Variants in SEMA6B observed in about 807,000 individuals in gnomAD.
The protein encoded by SEMA6B is semaphorin 6B, also known as semaphorin-6B.
SEMA6B carries 47 observed loss-of-function variants against 78.6 expected under a neutral mutation model. The observed-to-expected ratio is 0.60, with a 90% CI of 0.47 to 0.76. The LOEUF is 0.76. Ranked by LOEUF, SEMA6B falls within the 30% of genes least tolerant of loss-of-function variation. The probability of loss-of-function intolerance (pLI) is 0.00; values close to 1 mark genes in which losing one functional copy is unlikely to be tolerated. For synonymous variants in SEMA6B, 632 were observed against 592.2 expected, an observed-to-expected ratio of 1.07 and a Z score of -0.98; for missense variants, 1,213 against 1,269.9, an observed-to-expected ratio of 0.96 and a Z score of 0.68.
chr19:4,557,100 C>G, intron 4 of SEMA6B, 63 bp downstream of exon 4: 1 of 1,591,680 alleles, frequency 6.3e-7, no homozygotes, highest in Non-Finnish European at 8.6e-7. Flanking sequence ...CACCCAGCTC[C>G]CCGGCGCAGT....
intron 3 of SEMA6B, 55 bp from the exon 4 acceptor site, chr19:4,557,278 C>G (rs1399219426): frequency 2.2e-6 from 3 of 1,344,246 alleles, no homozygotes; most frequent in Non-Finnish European, 3.1e-6. Context: ...CTCTCCCGTT[C>G]CATCCTTCCC....
At position 4,544,274 on chromosome 19, in the gene SEMA6B, C is replaced by G. The variant is rs779203344; in HGVS notation, c.1994G>C (p.Arg665Pro). Residue 665 changes from arginine (R) to proline (P), a missense_variant, in exon 17 of 17, where the codon CGG (arginine) becomes CCG (proline). Transcript: ENST00000586582. The surrounding 1 kb of genome is among the most constrained non-coding windows in gnomAD (Gnocchi z 5.1). ...GERRAQGPGG[R>P]GGGGGGGAGV... ...GGCGCCACCGCCACCGCCTCCGCCCCGGCCCCCGGGACCCTGCGCCCTGCG... is the reference window on the plus strand; with the variant it reads ...GGCGCCACCGCCACCGCCTCCGCCCGGGCCCCCGGGACCCTGCGCCCTGCG... 4.6e-6 allele frequency: 6 copies of G among 1,312,274 alleles called. No individual in the cohort carries two copies. In the African/African-American group the frequency reaches 7.8e-5, roughly 17 times the overall value. The allele number at this position is 1,312,274 out of a possible 1,614,324, so 81.3% of individuals were successfully genotyped here.
rs1977123713 is a variant in SEMA6B, at chr19:4,544,785, A to G, written c.1739-256T>C. On this transcript the variant is annotated intron_variant, in intron 16 of 16. Coordinates refer to ENST00000586582, the MANE Select transcript of SEMA6B (RefSeq NM_032108.4). This position sits in a 1 kb window ranked among gnomAD's most constrained non-coding sequence, Gnocchi z 5.1. ...CGAGTAGCTGGGACCACAGGTGCCC[A>G]CCACCACGCCCGGCTAATTTTTGTA... 6.6e-6 allele frequency among the ~76,000 whole-genome samples: 1 copy of G among 151,620 alleles called. No homozygotes were observed. The highest frequency in any genetic ancestry group is 2.1e-4 in the South Asian group (1 of 4,812).
chr19:4,556,957 T>C lies in SEMA6B; in HGVS notation c.363A>G (p.Lys121=). ...CGAGCCAGGGCCAACTCACCTCCTG[T>C]TTGCCCTTCATCCGACACACGTTTA... ...SDINVCRMKG[K]QEGECRNFVK... is the part of the protein sequence containing the mutation. The change falls in exon 5 of 17, where the codon AAA becomes AAG. Residue 121 remains lysine (K), a synonymous_variant. Transcript: ENST00000586582. The C allele has an allele frequency of 6.2e-7, 1 of 1,613,064 alleles. No individual in the cohort carries two copies. The highest frequency in any genetic ancestry group is 1.7e-5 in the Admixed American group (1 of 59,918).
At chr19:4,559,289 G>C (rs1977556708) in intron 1 of SEMA6B, among the ~76,000 whole-genome samples, 1 of 151,652 alleles carries the variant, frequency 6.6e-6, no homozygotes, top group Non-Finnish European at 1.5e-5. Context: ...TGTGACCCTG[G>C]TAGATCTGAC....
At position 4,544,943 on chromosome 19, in the gene SEMA6B, A is replaced by AT. The variant is rs1373948833; in HGVS notation, c.1739-415dup. On this transcript the variant is annotated intron_variant, in intron 16 of 16. Transcript: ENST00000586582. The surrounding 1 kb of genome is among the most constrained non-coding windows in gnomAD (Gnocchi z 5.1). Reference sequence around the variant, plus strand: ...CACCACGACTGGCCTTATTTTTATTATTTTTTAATTTTTTTTGTTTGTTTG... The same window carrying AT: ...CACCACGACTGGCCTTATTTTTATTATTTTTTTAATTTTTTTTGTTTGTTTG... Among the ~76,000 whole-genome samples, 1 of 151,068 alleles carries AT rather than the reference A, an allele frequency of 6.6e-6. No homozygotes were observed. Among genetic ancestry groups the AT allele is most frequent in the Non-Finnish European group, 1.5e-5 (1 of 67,772 alleles).
At position 4,550,707 on chromosome 19, in the gene SEMA6B, T is replaced by C. The variant is rs982868132; in HGVS notation, c.1121+92A>G. ...ATAACGGGTACAGCTGAACTCAGCATCAGCTAAATAACCACCCGGAAGCCC... is the reference window on the plus strand; with the variant it reads ...ATAACGGGTACAGCTGAACTCAGCACCAGCTAAATAACCACCCGGAAGCCC... On this transcript the variant is annotated intron_variant, in intron 11 of 16. Coordinates refer to ENST00000586582, the MANE Select transcript of SEMA6B (RefSeq NM_032108.4). The surrounding 1 kb of genome is among the most constrained non-coding windows in gnomAD (Gnocchi z 6.6). 23 of 1,469,710 alleles carry C rather than the reference T, an allele frequency of 1.6e-5. No homozygotes were observed. In the African/African-American group the frequency reaches 1.7e-4, roughly 11 times the overall value. 91.0% of individuals were successfully genotyped at this position (1,469,710 alleles called of 1,614,324 possible).
At position 4,558,310 on chromosome 19, in the gene SEMA6B, C is replaced by A; in HGVS notation, c.121+27G>T. The A allele has an allele frequency of 7.6e-7, 1 of 1,315,774 alleles. No individual in the cohort carries two copies. The allele number at this position is 1,315,774 out of a possible 1,614,324, so 81.5% of individuals were successfully genotyped here. ...CCAGATACTCCCACGGGACTCCACC[C>A]CCGCCCAAAGACACCCCCAGACTCA... On this transcript the variant is annotated intron_variant, in intron 2 of 16. Transcript: ENST00000586582. This position sits in a 1 kb window ranked among gnomAD's most constrained non-coding sequence, Gnocchi z 5.1.
rs925232287 is a variant in SEMA6B, at chr19:4,543,366, CAA to C, written c.*233_*234del. The C allele has an allele frequency of 3.6e-5, 15 of 414,366 alleles. No homozygotes were observed. The Admixed American group carries it at 6.3e-4, about 17-fold the overall frequency. The allele number at this position is 414,366 out of a possible 1,614,324, so 25.7% of individuals were successfully genotyped here. A position where few individuals can be genotyped will look rare whatever the true frequency, so the allele number is the denominator to read the frequency against. On this transcript the variant is annotated 3_prime_UTR_variant, in exon 17 of 17. Coordinates refer to ENST00000586582, the MANE Select transcript of SEMA6B (RefSeq NM_032108.4). ...CATAAGGTCAACCTCAAATCCATAG[CAA>C]AGTCCTCCCGCCCACCCACCCCCAA...
chr19:4,547,981 T>C, intron 14 of SEMA6B, 46 bp downstream of exon 14: 1 of 1,502,848 alleles, frequency 6.7e-7, no homozygotes, highest in Non-Finnish European at 8.9e-7. Context: ...CCTGTGCCCA[T>C]CCTCCCTTGC....
rs538740826 is a variant in SEMA6B, at chr19:4,543,910, G to C, written c.2358C>G (p.Asp786Glu). ...GGCTGGCGTGGGGGGTGAGCGGGAA[G>C]TCGCCGTGGGAGGCGCGGCCGGGCC... ...AARPGRASHG[D>E]FPLTPHASPD... Residue 786 changes from aspartate (D) to glutamate (E), a missense_variant, in exon 17 of 17, where the codon GAC (aspartate) becomes GAG (glutamate). By Grantham distance (45) the Asp-to-Glu change is conservative. Transcript: ENST00000586582. 2.5e-6 allele frequency: 3 copies of C among 1,202,916 alleles called. No homozygotes were observed. Among genetic ancestry groups the C allele is most frequent in the Non-Finnish European group, 2.1e-6 (2 of 969,802 alleles). The allele number at this position is 1,202,916 out of a possible 1,614,324, so 74.5% of individuals were successfully genotyped here.
Position 4,543,794 on chromosome 19 carries a change from G to C in SEMA6B, c.2474C>G (p.Pro825Arg), listed in dbSNP as rs1427128254. 11 of 1,220,054 alleles carry C rather than the reference G, an allele frequency of 9.0e-6. No individual in the cohort carries two copies. In the East Asian group the frequency reaches 3.2e-4, roughly 36 times the overall value. 75.6% of individuals were successfully genotyped at this position (1,220,054 alleles called of 1,614,324 possible). Residue 825 changes from proline (P) to arginine (R), a missense_variant, in exon 17 of 17, where the codon CCG becomes CGG. By Grantham distance (103) the Pro-to-Arg change is moderately radical (BLOSUM62 -2). Coordinates refer to ENST00000586582, the MANE Select transcript of SEMA6B (RefSeq NM_032108.4). ...CAGTGGCCTCCTCAGGCTGCCCGTC[G>C]GGGGCGGGCTCCAGGGCCGCGGGAG... ...DGLPRPWSPP[P>R]TGSLRRPLGP...
rs149072027 is a variant in SEMA6B, at chr19:4,542,904, T to TGG, written c.*695_*696dup. ...ATTGTCCCCGCTTCCCTCTGCAGAG[T>TGG]GGGGGGGGTTCAAACTCCTAACCGG... On this transcript the variant is annotated 3_prime_UTR_variant, in exon 17 of 17. Transcript: ENST00000586582. The TGG allele has an allele frequency of 2.0e-5, 14 of 699,192 alleles. No individual in the cohort carries two copies. The African/African-American group carries it at 2.1e-4, about 11-fold the overall frequency. 43.3% of individuals were successfully genotyped at this position (699,192 alleles called of 1,614,324 possible).
At position 4,543,752 on chromosome 19, in the gene SEMA6B, G is replaced by T. The variant is rs965407880; in HGVS notation, c.2516C>A (p.Pro839Gln). 8.2e-7 allele frequency: 1 copy of T among 1,226,206 alleles called. No homozygotes were observed. Among genetic ancestry groups the T allele is most frequent in the Admixed American group, 4.3e-5 (1 of 23,482 alleles). The allele number at this position is 1,226,206 out of a possible 1,614,324, so 76.0% of individuals were successfully genotyped here. A position where few individuals can be genotyped will look rare whatever the true frequency, so the allele number is the denominator to read the frequency against. ...LRRPLGPHAP[P>Q]AATLRRTHTF... ...GTGGGTGCGGCGCAGGGTGGCGGCC[G>T]GAGGGGCGTGGGGGCCCAGTGGCCT... The change falls in exon 17 of 17, where the codon CCG becomes CAG. Residue 839 changes from proline (P) to glutamine (Q), a missense_variant. Transcript: ENST00000586582.
chr19:4,552,582 C>G lies in SEMA6B; in HGVS notation c.829G>C (p.Val277Leu). ...CKNDVGGSPR[V>L]LEKQWTSFLK... The stretch of plus-strand genomic sequence containing the variant: ...AAGGACGTCCACTGCTTCTCCAGCA[C>G]GCGGGGGGAGCCTCCCACGTCGTTC... The change falls in exon 10 of 17, where the codon GTG becomes CTG. Residue 277 changes from valine to leucine, a missense_variant. Val to Leu is a conservative substitution (Grantham distance 32). Transcript: ENST00000586582. The surrounding 1 kb of genome is among the most constrained non-coding windows in gnomAD (Gnocchi z 7.4). The G allele has an allele frequency of 2.5e-6, 4 of 1,612,800 alleles. No homozygotes were observed. The highest frequency in any genetic ancestry group is 3.4e-6 in the Non-Finnish European group (4 of 1,179,898).
Position 4,557,175 on chromosome 19 carries a change from C to T in SEMA6B, c.294G>A (p.Leu98=). ...VELEPPTSTE[L]RYQRKLTWRS... is the part of the protein sequence containing the mutation. ...ACCCCTTCCTCACCCTCTGGTACCG[C>T]AGCTCCGTGGACGTGGGGGGCTCCA... Residue 98 remains leucine (L), a synonymous_variant, in exon 4 of 17, where the codon CTG becomes CTA. Coordinates refer to ENST00000586582, the MANE Select transcript of SEMA6B (RefSeq NM_032108.4). 1 of 1,609,578 alleles carries T rather than the reference C, an allele frequency of 6.2e-7. No homozygotes were observed. The highest frequency in any genetic ancestry group is 8.5e-7 in the Non-Finnish European group (1 of 1,177,560).
intron 5 of SEMA6B, among the ~76,000 whole-genome samples, 155 bp downstream of exon 5, chr19:4,556,796 A>T (rs1475319947): frequency 2.0e-5 from 1 of 50,088 alleles, no homozygotes; most frequent in African/African-American, 8.1e-5. Context: ...GGGTGTGGCC[A>T]GGGCTGGCAG....
chr19:4,548,524 C>T (rs10421954), intron 12 of SEMA6B, 79 bp from the exon 13 acceptor site: 78,244 of 1,329,222 alleles, frequency 0.059, 3,779 homozygotes, highest in African/African-American at 0.24. Context: ...CATAGTTACA[C>T]GGGTGCATAC....
At position 4,559,555 on chromosome 19, in the gene SEMA6B, G is replaced by A. The variant is rs1434689696; in HGVS notation, c.-58C>T. ...CAGAAAGGGGTACAGTCCAGGTCCCGGAGCCCCGAATGAGAAGTTCAGCAG... is the reference window on the plus strand; with the variant it reads ...CAGAAAGGGGTACAGTCCAGGTCCCAGAGCCCCGAATGAGAAGTTCAGCAG... On this transcript the variant is annotated 5_prime_UTR_variant, in exon 1 of 17. Coordinates refer to ENST00000586582, the MANE Select transcript of SEMA6B (RefSeq NM_032108.4). 6.6e-6 allele frequency: 1 copy of A among 152,142 alleles called. No homozygotes were observed. The highest frequency in any genetic ancestry group is 2.4e-5 in the African/African-American group (1 of 41,406). The allele number at this position is 152,142 out of a possible 1,614,324, so 9.4% of individuals were successfully genotyped here. A position where few individuals can be genotyped will look rare whatever the true frequency, so the allele number is the denominator to read the frequency against.
Sources: allele counts gnomAD v4.1 joint callset (sites outside exome capture counted in the v4.1 genomes callset), GRCh38; gene constraint gnomAD v4.1.1; non-coding constraint Gnocchi (gnomAD v3.1); transcripts MANE v1.5; gene names NCBI Gene and HGNC (gene_info 2026-07-23, HGNC 2026-07-21).